The following CFAP52 variants were observed in gnomAD, a reference collection of about 807,000 sequenced individuals.
CFAP52 encodes cilia- and flagella-associated protein 52.
CFAP52 carries 57 observed loss-of-function variants against 70.5 expected under a neutral mutation model. The observed-to-expected ratio is 0.81, with a 90% CI of 0.65 to 1.01. The LOEUF (loss-of-function observed/expected upper bound fraction) is 1.01, where lower values mean the gene tolerates loss of function less well. Among genes scored for constraint, CFAP52 ranks in the 50% least tolerant of loss-of-function variants. The probability of loss-of-function intolerance (pLI) is 0.00; values close to 1 mark genes in which losing one functional copy is unlikely to be tolerated. For missense variants in CFAP52, 785 were observed against 788.5 expected (o/e 1.00, Z 0.05); for synonymous variants, 267 against 292.5 (o/e 0.91, Z 0.89).
intron 1 of CFAP52, among the ~76,000 whole-genome samples, chr17:9,578,042 A>G (rs1376908059): frequency 6.6e-6 from 1 of 152,238 alleles, no homozygotes; most frequent in East Asian, 1.9e-4. Flanking sequence ...CAGTGAGCCA[A>G]GGTCACGCCA....
intron 8 of CFAP52, among the ~76,000 whole-genome samples, chr17:9,626,240 C>T (rs560633796): frequency 7.2e-5 from 11 of 152,234 alleles, no homozygotes; most frequent in South Asian, 2.1e-4. Context: ...GAAAGTTCTT[C>T]TTTTTTGAGA....
chr17:9,612,242 C>T, intron 7 of CFAP52, 67 bp from the exon 8 acceptor site: 1 of 1,561,156 alleles, frequency 6.4e-7, no homozygotes, highest in Non-Finnish European at 8.7e-7. Flanking sequence ...CTCTGCCATG[C>T]TTCACATGAT....
chr17:9,600,007 C>T (rs1909192952), intron 5 of CFAP52, 60 bp from the exon 6 acceptor site: 4 of 1,457,952 alleles, frequency 2.7e-6, no homozygotes, highest in Non-Finnish European at 3.8e-6. Flanking sequence ...TCCCAAAGTG[C>T]TGATATTACA....
intron 11 of CFAP52, among the ~76,000 whole-genome samples, chr17:9,635,811 C>G (rs932243961): frequency 6.6e-6 from 1 of 152,128 alleles, no homozygotes; most frequent in Non-Finnish European, 1.5e-5. Context: ...TGTGTCCACA[C>G]AGTGAAGCAT....
chr17:9,640,030 A>C (rs1910981182), intron 12 of CFAP52, among the ~76,000 whole-genome samples: 1 of 152,156 alleles, frequency 6.6e-6, no homozygotes, highest in Non-Finnish European at 1.5e-5. Context: ...TGTTAACATG[A>C]TCAAGCATCA....
At chr17:9,609,213 A>G (rs1332358042) in intron 7 of CFAP52, among the ~76,000 whole-genome samples, 1 of 145,802 alleles carries the variant, frequency 6.9e-6, no homozygotes, top group African/African-American at 2.5e-5. Flanking sequence ...TGCTTAGGAT[A>G]TCTCAGTGAA....
intron 9 of CFAP52, among the ~76,000 whole-genome samples, chr17:9,632,299 T>C (rs577765592): frequency 2.5e-4 from 37 of 150,750 alleles, no homozygotes; most frequent in African/African-American, 8.0e-4. Context: ...CTTGCCATGT[T>C]TCCAGGCTGG....
Position 9,598,218 on chromosome 17 carries a change from T to G in CFAP52, c.537-16T>G. ...GTCCATTTGATTGTGGTTTTTTGTT[T>G]TTTTTTTTTACATAGTGGGACAATT... On this transcript the variant is annotated splice_polypyrimidine_tract_variant and intron_variant, in intron 4 of 13. Transcript: ENST00000352665. The G allele has an allele frequency of 6.3e-7, 1 of 1,584,360 alleles. No homozygotes were observed. Among genetic ancestry groups the G allele is most frequent in the Non-Finnish European group, 8.5e-7 (1 of 1,169,842 alleles).
At chr17:9,622,701 T>C (rs1910091469) in intron 8 of CFAP52, among the ~76,000 whole-genome samples, 2 of 152,160 alleles carry the variant, frequency 1.3e-5, no homozygotes, top group African/African-American at 4.8e-5. Flanking sequence ...TTAATGGAGT[T>C]TGTATTGAAG....
At chr17:9,631,078 G>GAAAGAA (rs1452920856) in intron 9 of CFAP52, among the ~76,000 whole-genome samples, 1 of 129,736 alleles carries the variant, frequency 7.7e-6, no homozygotes, top group Non-Finnish European at 1.6e-5. Context: ...AAGAAAGAAA[G>GAAAGAA]AAAGAGAAAG....
intron 11 of CFAP52, among the ~76,000 whole-genome samples, chr17:9,636,360 T>C (rs1056602017): frequency 2.0e-5 from 3 of 152,144 alleles, no homozygotes; most frequent in Admixed American, 1.3e-4. Flanking sequence ...GGACATACAT[T>C]TGCCTTTCCC....
chr17:9,600,132 C>T lies in CFAP52; in HGVS notation c.702C>T (p.Pro234=). ...CTGGAGATATTCTAAAAATGAACCC[C>T]AGGACTAAACTGCTGACAGATGTTG... The part of the protein sequence containing the change: ...TTTGDILKMN[P]RTKLLTDVGP... The change falls in exon 6 of 14, where the codon CCC becomes CCT. Residue 234 remains proline (P), a synonymous_variant. Transcript: ENST00000352665. 3 of 1,614,036 alleles carry T rather than the reference C, an allele frequency of 1.9e-6. No homozygotes were observed. The highest frequency in any genetic ancestry group is 2.5e-6 in the Non-Finnish European group (3 of 1,179,970).
At chr17:9,593,124 T>C (rs1359121027) in intron 3 of CFAP52, among the ~76,000 whole-genome samples, 1 of 152,226 alleles carries the variant, frequency 6.6e-6, no homozygotes, top group Non-Finnish European at 1.5e-5. Flanking sequence ...TAGTTAGGTA[T>C]GTTTTTACAT....
chr17:9,643,500 A>C, downstream of CFAP52: 2 of 234,980 alleles, frequency 8.5e-6, no homozygotes, highest in Non-Finnish European at 1.6e-5. Flanking sequence ...GACCTTCCTC[A>C]TGATCTGTGC....
chr17:9,629,754 A>C (rs973385642), intron 9 of CFAP52, among the ~76,000 whole-genome samples: 2 of 151,644 alleles, frequency 1.3e-5, no homozygotes, highest in African/African-American at 2.4e-5. Context: ...ACGATGGGCT[A>C]ATTTTTTGTA....
intron 3 of CFAP52, among the ~76,000 whole-genome samples, chr17:9,591,791 T>C (rs747738212): frequency 1.3e-5 from 2 of 151,662 alleles, no homozygotes; most frequent in African/African-American, 2.4e-5. Context: ...AGTGGGAGGA[T>C]TGCTTGAGCC....
intron 9 of CFAP52, among the ~76,000 whole-genome samples, chr17:9,632,035 A>T (rs1910566266): frequency 6.6e-6 from 1 of 150,718 alleles, no homozygotes; most frequent in African/African-American, 2.4e-5. Context: ...GGCCTCCCAA[A>T]GCGCTGGGAT....
intron 8 of CFAP52, among the ~76,000 whole-genome samples, chr17:9,616,147 G>C (rs372928293): frequency 2.1e-5 from 3 of 142,048 alleles, no homozygotes; most frequent in Non-Finnish European, 3.0e-5. Flanking sequence ...TGCGCGCACC[G>C]TGCGCGAGCC....
intron 6 of CFAP52, among the ~76,000 whole-genome samples, chr17:9,601,339 C>G (rs1405275679): frequency 1.3e-5 from 2 of 150,640 alleles, no homozygotes; most frequent in East Asian, 2.0e-4. Flanking sequence ...TGCAGCACAC[C>G]AACATGGCAC....
Sources: gnomAD v4.1 joint callset for allele counts (sites outside exome capture counted in the v4.1 genomes callset) on GRCh38, gnomAD v4.1.1 for gene constraint, MANE v1.5 for transcripts, NCBI Gene and HGNC (gene_info 2026-07-23, HGNC 2026-07-21) for gene names.